SLC2A9: variants seen among roughly 807,000 people sequenced by gnomAD.
SLC2A9 encodes the protein solute carrier family 2 member 9, also known as solute carrier family 2, facilitated glucose transporter member 9.
Under a neutral mutation model 50.6 loss-of-function variants are expected in SLC2A9, and 39 were observed. The observed-to-expected ratio is 0.77, with a 90% CI of 0.60 to 1.01. The LOEUF is 1.01. Ranked by LOEUF, SLC2A9 falls within the 50% of genes least tolerant of loss-of-function variation. The pLI is 0.00. For missense variants in SLC2A9, 686 were observed against 677.6 expected, an observed-to-expected ratio of 1.01 and a Z score of -0.14; for synonymous variants, 324 against 276.9, an observed-to-expected ratio of 1.17 and a Z score of -1.69.
At chr4:9,904,941 C>A (rs907066767) in intron 8 of SLC2A9, among the ~76,000 whole-genome samples, 1 of 152,170 alleles carries the variant, frequency 6.6e-6, no homozygotes, top group African/African-American at 2.4e-5. Context: ...ACAGACTACC[C>A]AATGCACTTC....
intron 11 of SLC2A9, among the ~76,000 whole-genome samples, chr4:9,829,129 C>G (rs1030452587): frequency 1.3e-5 from 2 of 152,160 alleles, no homozygotes; most frequent in Non-Finnish European, 2.9e-5. Flanking sequence ...CTCAGCCGAG[C>G]ACAGTAGCTC....
intron 1 of SLC2A9, 65 bp downstream of exon 1, chr4:10,021,215 G>T (rs2276963): frequency 2.6e-6 from 4 of 1,553,914 alleles, no homozygotes; most frequent in Non-Finnish European, 3.5e-6. Flanking sequence ...ACTGTCACAC[G>T]GCTGCCACCC....
At chr4:9,832,806 C>G (rs1726389267) in intron 11 of SLC2A9, among the ~76,000 whole-genome samples, 1 of 152,178 alleles carries the variant, frequency 6.6e-6, no homozygotes, top group Non-Finnish European at 1.5e-5. Context: ...CTAGCACAGG[C>G]AGCGGTGGAG....
At chr4:9,963,120 G>C (rs1365554397) in intron 5 of SLC2A9, among the ~76,000 whole-genome samples, 1 of 152,172 alleles carries the variant, frequency 6.6e-6, no homozygotes, top group Non-Finnish European at 1.5e-5. Flanking sequence ...AGGCAAAGAA[G>C]GAGCAAAGTC....
intron 5 of SLC2A9, among the ~76,000 whole-genome samples, chr4:9,972,545 C>T (rs1754084585): frequency 7.5e-6 from 1 of 134,140 alleles, no homozygotes; most frequent in Admixed American, 7.6e-5. Flanking sequence ...ACAGGCTCAG[C>T]CATAAAGCAA....
chr4:9,929,273 C>T (rs567575933), intron 6 of SLC2A9, among the ~76,000 whole-genome samples: 1 of 152,190 alleles, frequency 6.6e-6, no homozygotes, highest in African/African-American at 2.4e-5. Flanking sequence ...CGCAGCAGAG[C>T]CTGAGACACA....
At chr4:9,811,328 C>A (rs1205885619) in intron 3 of SLC2A9, among the ~76,000 whole-genome samples, 1 of 152,210 alleles carries the variant, frequency 6.6e-6, no homozygotes, top group Non-Finnish European at 1.5e-5. Context: ...TAAATTCGGG[C>A]TGGTCCCATG....
At chr4:9,817,604 GTTTAAAACGTGT>G (rs1290437425) in intron 3 of SLC2A9, among the ~76,000 whole-genome samples, 2 of 152,190 alleles carry the variant, frequency 1.3e-5, no homozygotes, top group Non-Finnish European at 2.9e-5. Flanking sequence ...TACTGCAAAT[GTTTAAAACGTGT>G]TTTAGAAACA....
At chr4:9,893,341 T>G (rs1419455992) in intron 8 of SLC2A9, among the ~76,000 whole-genome samples, 1 of 151,930 alleles carries the variant, frequency 6.6e-6, no homozygotes, top group Non-Finnish European at 1.5e-5. Flanking sequence ...GGCGTAAGTG[T>G]TTGCTGAGGG....
chr4:9,891,842 T>A (rs1272249317), intron 8 of SLC2A9, among the ~76,000 whole-genome samples: 1 of 152,164 alleles, frequency 6.6e-6, no homozygotes, highest in Non-Finnish European at 1.5e-5. Flanking sequence ...ATGGTCCCCA[T>A]CACGACAGTC....
intron 10 of SLC2A9, among the ~76,000 whole-genome samples, chr4:9,847,898 T>A (rs544311713): frequency 6.6e-6 from 1 of 152,300 alleles, no homozygotes; most frequent in East Asian, 1.9e-4. Flanking sequence ...GAGTCACTGG[T>A]CTGAACTGAA....
rs1339850660 is a variant in SLC2A9 at position 9,826,238 on chromosome 4, G to T, written c.*159C>A. On this transcript the variant is annotated 3_prime_UTR_variant, in exon 12 of 12. Coordinates refer to ENST00000264784, the MANE Select transcript of SLC2A9 (RefSeq NM_020041.3). ...CAGTTGCAATGTTAGATTAGTACAG[G>T]TTTACTTTTAAATATTTAATAATAT... 8.5e-6 allele frequency: 6 copies of T among 706,688 alleles called. No individual in the cohort carries two copies. The Admixed American group carries it at 1.0e-4, about 12-fold the overall frequency. 43.8% of individuals were successfully genotyped at this position (706,688 alleles called of 1,614,324 possible).
At chr4:10,017,366 C>T (rs1056028253) in intron 2 of SLC2A9, among the ~76,000 whole-genome samples, 1 of 152,200 alleles carries the variant, frequency 6.6e-6, no homozygotes, top group African/African-American at 2.4e-5. Context: ...ATTCCTAGCC[C>T]TCTTTCAAAG....
chr4:9,814,998 C>A (rs1560144825), intron 3 of SLC2A9, among the ~76,000 whole-genome samples: 1 of 151,828 alleles, frequency 6.6e-6, no homozygotes, highest in Non-Finnish European at 1.5e-5. Context: ...ACAGAGAGGT[C>A]CTGTGGTGTA....
In SLC2A9 at chr4:9,908,235, A is replaced by G. The variant is rs769414057; in HGVS notation, c.1113T>C (p.Ser371=). Residue 371 remains serine (S), a splice_region_variant and synonymous_variant, in exon 8 of 12, where the codon TCT becomes TCC. Coordinates refer to ENST00000264784, the MANE Select transcript of SLC2A9 (RefSeq NM_020041.3). ...CAGGAGTAACCCTCAGTTGACTTAC[A>G]GAGAAGACGGCAGCCAAAGTCTCGA... ...GGIETLAAVF[S]GLVIEHLGRR... is the part of the protein sequence containing the mutation. The G allele has an allele frequency of 1.2e-6, 2 of 1,608,986 alleles. No individual in the cohort carries two copies. Among genetic ancestry groups the G allele is most frequent in the East Asian group, 4.5e-5 (2 of 44,866 alleles).
At chr4:9,783,017 C>G (rs1718700275) in intron 3 of SLC2A9, 1 of 1,614,234 alleles carries the variant, frequency 6.2e-7, no homozygotes, top group Non-Finnish European at 8.5e-7. Context: ...CGAAGGCCCT[C>G]CGGCCGGCTT....
intron 11 of SLC2A9, among the ~76,000 whole-genome samples, chr4:9,829,498 A>C (rs1171520357): frequency 6.6e-6 from 1 of 151,878 alleles, no homozygotes; most frequent in African/African-American, 2.4e-5. Context: ...AAGAGCAACA[A>C]AAGCAAAAAT....
chr4:9,887,328 T>C (rs1020109099), intron 10 of SLC2A9, among the ~76,000 whole-genome samples: 2 of 152,240 alleles, frequency 1.3e-5, no homozygotes, highest in Non-Finnish European at 2.9e-5. Context: ...GCTCTTGCTG[T>C]GTGGTGGGAA....
chr4:9,939,569 C>T lies in SLC2A9; in HGVS notation c.814+2344G>A, dbSNP rs1747741792. Among the ~76,000 whole-genome samples the T allele has an allele frequency of 2.7e-5, 4 of 150,776 alleles. No individual in the cohort carries two copies. The South Asian group carries it at 8.4e-4, about 32-fold the overall frequency. On this transcript the variant is annotated intron_variant, in intron 6 of 11. Transcript: ENST00000264784. ...GTGCTGTCATTGGCTAGCTTTATGT[C>T]CTTGGCCAAGTTATCCCATCCTTGG...
Sources: gnomAD v4.1 joint callset for allele counts (sites outside exome capture counted in the v4.1 genomes callset) on GRCh38, gnomAD v4.1.1 for gene constraint, MANE v1.5 for transcripts, NCBI Gene and HGNC (gene_info 2026-07-23, HGNC 2026-07-21) for gene names.